The following CHLSN variants were observed in gnomAD, a reference collection of about 807,000 sequenced individuals.
The protein encoded by CHLSN is cholesin, also known as protein cholesin.
the CHLSN span, chr7:986,827 G>C: frequency 6.7e-7 from 1 of 1,493,922 alleles, no homozygotes; most frequent in Non-Finnish European, 8.9e-7. Context: ...CTCCTTGAAG[G>C]CCTGTAGGGG....
the CHLSN span, chr7:1,137,853 A>G: frequency 6.6e-6 from 1 of 152,258 alleles, no homozygotes. Context: ...TCGGAGGGCA[A>G]TCAGGGCGTC....
At chr7:997,487 C>T in the CHLSN span, 1 of 701,182 alleles carries the variant, frequency 1.4e-6, no homozygotes, top group Non-Finnish European at 2.2e-6. Flanking sequence ...TCCCGGCCCC[C>T]ACCACCGGAG....
the CHLSN span, among the ~76,000 whole-genome samples, chr7:1,113,095 C>T: frequency 2.0e-5 from 3 of 152,184 alleles, no homozygotes; most frequent in African/African-American, 7.2e-5. Flanking sequence ...GGAAAAACTG[C>T]AGGGCGCACA....
At chr7:1,069,505 A>G in the CHLSN span, among the ~76,000 whole-genome samples, 89 of 136,710 alleles carry the variant, frequency 6.5e-4, no homozygotes, top group African/African-American at 2.2e-3. Context: ...GATTGCAGGC[A>G]CGCGCCGCCA....
At chr7:998,848 G>GA in the CHLSN span, among the ~76,000 whole-genome samples, 2 of 152,162 alleles carry the variant, frequency 1.3e-5, no homozygotes, top group African/African-American at 4.8e-5. Flanking sequence ...CCAAGGGCAC[G>GA]AAATGGACTC....
At chr7:1,134,807 G>T in the CHLSN span, among the ~76,000 whole-genome samples, 1 of 148,436 alleles carries the variant, frequency 6.7e-6, no homozygotes, top group South Asian at 2.2e-4. Flanking sequence ...AACCTGGGAG[G>T]CGGAGCTTGC....
the CHLSN span, chr7:1,025,483 G>A: frequency 6.6e-6 from 1 of 152,332 alleles, no homozygotes; most frequent in Non-Finnish European, 1.5e-5. Context: ...TCAGGGAGGG[G>A]GACTCTGCCC....
At chr7:992,431 C>T in the CHLSN span, among the ~76,000 whole-genome samples, 4 of 152,358 alleles carry the variant, frequency 2.6e-5, no homozygotes, top group South Asian at 2.1e-4. Context: ...ATCTGAGTGC[C>T]GGGCTGGCCG....
the CHLSN span, among the ~76,000 whole-genome samples, chr7:1,017,712 G>A: frequency 1.3e-5 from 2 of 151,938 alleles, no homozygotes; most frequent in Admixed American, 6.5e-5. Flanking sequence ...TGACTGCCGC[G>A]GGCAGCCGCG....
At chr7:1,108,722 G>T in the CHLSN span, among the ~76,000 whole-genome samples, 2 of 152,138 alleles carry the variant, frequency 1.3e-5, no homozygotes. Flanking sequence ...AGATCACCCG[G>T]GTTGCCGTGT....
chr7:1,109,050 T>C, the CHLSN span, among the ~76,000 whole-genome samples: 1 of 152,116 alleles, frequency 6.6e-6, no homozygotes, highest in Admixed American at 6.5e-5. Context: ...CGCCCCACCA[T>C]CACACCCAGC....
the CHLSN span, among the ~76,000 whole-genome samples, chr7:1,117,341 C>T: frequency 9.1e-6 from 1 of 109,470 alleles, no homozygotes; most frequent in Non-Finnish European, 1.8e-5. Flanking sequence ...CCGACGCCCA[C>T]GCAGGATGAT....
chr7:1,058,878 G>A, the CHLSN span: 1 of 222,674 alleles, frequency 4.5e-6, no homozygotes, highest in Admixed American at 5.2e-5. Flanking sequence ...ATTCCCCCTT[G>A]TTTGTTTTAC....
chr7:987,329 G>A, the CHLSN span: 1 of 1,560,606 alleles, frequency 6.4e-7, no homozygotes, highest in South Asian at 1.2e-5. Context: ...CACCCAAGCG[G>A]CCCACCCTTT....
chr7:984,489 G>T, the CHLSN span: 1 of 1,552,500 alleles, frequency 6.4e-7, no homozygotes, highest in Non-Finnish European at 8.7e-7. Flanking sequence ...GGTTCGAGGC[G>T]GTCAAAGAGG....
the CHLSN span, among the ~76,000 whole-genome samples, chr7:1,070,779 G>A: frequency 6.5e-5 from 9 of 138,066 alleles, 1 homozygote; most frequent in South Asian, 6.8e-4. Flanking sequence ...GCACACGCAC[G>A]CACACGGACA....
At chr7:1,007,249 G>A in the CHLSN span, among the ~76,000 whole-genome samples, 1 of 152,218 alleles carries the variant, frequency 6.6e-6, no homozygotes, top group African/African-American at 2.4e-5. Context: ...AACCCCTCGT[G>A]GAAAGCCCAT....
chr7:1,036,270 T>TGCTGTGGCCATGTAGGGTTCGGGTGCTC, the CHLSN span, among the ~76,000 whole-genome samples: 1 of 151,810 alleles, frequency 6.6e-6, no homozygotes, highest in Admixed American at 6.6e-5. Context: ...TTCGGGCGGT[T>TGCTGTGGCCATGTAGGGTTCGGGTGCTC]GTGCTGTGGC....
the CHLSN span, among the ~76,000 whole-genome samples, chr7:1,098,476 T>C: frequency 6.6e-6 from 1 of 152,230 alleles, no homozygotes; most frequent in Non-Finnish European, 1.5e-5. Flanking sequence ...CACCACAGCA[T>C]GGTGGACCTG....
Sources: gnomAD v4.1 joint callset for allele counts (sites outside exome capture counted in the v4.1 genomes callset) on GRCh38, gnomAD v4.1.1 for gene constraint, MANE v1.5 for transcripts, NCBI Gene and HGNC (gene_info 2026-07-23, HGNC 2026-07-21) for gene names.